ANK2: variants seen among roughly 807,000 people sequenced by gnomAD.
ANK2 encodes the protein ankyrin-2.
ANK2 carries 83 observed loss-of-function variants against 360.5 expected under a neutral mutation model. The ratio of observed to expected loss-of-function variants is 0.23; its 90% CI spans 0.19 to 0.28. The LOEUF (loss-of-function observed/expected upper bound fraction) is 0.28. ANK2 is among the 10% of genes least tolerant of loss of function. The pLI, the probability that ANK2 is intolerant of heterozygous loss-of-function variation, is 1.00. For synonymous variants in ANK2, 1,740 were observed against 1,759.5 expected (o/e 0.99, Z 0.28); for missense variants, 4,201 against 4,795.7 (o/e 0.88, Z 3.66).
At chr4:112,787,944 G>A in the ANK2 span, 2 of 607,804 alleles carry the variant, frequency 3.3e-6, no homozygotes, top group African/African-American at 1.8e-5. Flanking sequence ...CATCCTCCAT[G>A]TATGATCATT....
intron 2 of ANK2, among the ~76,000 whole-genome samples, chr4:112,951,944 T>G (rs2095047172): frequency 6.6e-6 from 1 of 152,252 alleles, no homozygotes; most frequent in South Asian, 2.1e-4. Context: ...TGGAGCTGTA[T>G]GCCAATTTAT....
chr4:112,961,299 T>G (rs1018002896), intron 2 of ANK2, among the ~76,000 whole-genome samples: 3 of 152,090 alleles, frequency 2.0e-5, no homozygotes, highest in Non-Finnish European at 2.9e-5. Flanking sequence ...GCTACTCTCA[T>G]TATAGGTAGG....
At position 113,232,251 on chromosome 4, in the gene ANK2, G is replaced by C. The variant is rs769770623; in HGVS notation, c.475G>C (p.Ala159Pro). 2 of 1,579,664 alleles carry C rather than the reference G, an allele frequency of 1.3e-6. No individual in the cohort carries two copies. The highest frequency in any genetic ancestry group is 3.3e-5 in the Admixed American group (2 of 59,978). The change falls in exon 5 of 46, where the codon GCT (alanine) becomes CCT (proline). Residue 159 changes from alanine to proline, a missense_variant. Ala to Pro is a conservative substitution (Grantham distance 27). Coordinates refer to ENST00000357077, the MANE Select transcript of ANK2 (RefSeq NM_001148.6). ...GGAAAATGGAGCTAATCAGAGCACT[G>C]CTACAGAGGTAAGACTGTCAGCCCT... ...LLENGANQST[A>P]TEDGFTPLAV...
At chr4:113,331,227 T>C (rs1044365329) in intron 27 of ANK2, among the ~76,000 whole-genome samples, 1 of 152,188 alleles carries the variant, frequency 6.6e-6, no homozygotes, top group Non-Finnish European at 1.5e-5. Context: ...TGTATTTAAG[T>C]CTTGGTGCTT....
intron 1 of ANK2, among the ~76,000 whole-genome samples, chr4:112,832,549 C>A (rs1448409842): frequency 6.6e-6 from 1 of 152,150 alleles, no homozygotes; most frequent in Non-Finnish European, 1.5e-5. Flanking sequence ...AAAAGCAGAG[C>A]CATTCAAATT....
chr4:113,177,954 A>G (rs796850922), intron 2 of ANK2, among the ~76,000 whole-genome samples: 12 of 152,352 alleles, frequency 7.9e-5, no homozygotes, highest in African/African-American at 2.6e-4. Flanking sequence ...ATGAAATGTA[A>G]AAGGAGTTTC....
chr4:113,286,870 C>T (rs2064892240), intron 18 of ANK2, among the ~76,000 whole-genome samples: 1 of 152,152 alleles, frequency 6.6e-6, no homozygotes, highest in African/African-American at 2.4e-5. Context: ...CTCAAGAAAA[C>T]ACCCGTAAAC....
chr4:113,179,852 G>A lies in ANK2; in HGVS notation c.186+5335G>A, dbSNP rs190990606. Among the ~76,000 whole-genome samples, 71 of 152,282 alleles carry A rather than the reference G, an allele frequency of 4.7e-4. 1 individual carries two copies. The East Asian group carries it at 0.011, about 24-fold the overall frequency. ...ATAAAAACCCCAGTAGTTTCAGAAAGTTTCATCATGTATACAATTTATTAG... is the reference window on the plus strand; with the variant it reads ...ATAAAAACCCCAGTAGTTTCAGAAAATTTCATCATGTATACAATTTATTAG... On this transcript the variant is annotated intron_variant, in intron 2 of 45. Coordinates refer to ENST00000357077, the MANE Select transcript of ANK2 (RefSeq NM_001148.6).
At chr4:113,171,651 A>T (rs1219630042) in intron 1 of ANK2, among the ~76,000 whole-genome samples, 1 of 152,138 alleles carries the variant, frequency 6.6e-6, no homozygotes, top group African/African-American at 2.4e-5. Flanking sequence ...TTTCCATAGG[A>T]CCCAGACCCT....
chr4:113,186,372 G>A (rs565476026), intron 2 of ANK2, among the ~76,000 whole-genome samples: 126 of 152,056 alleles, frequency 8.3e-4, no homozygotes, highest in African/African-American at 2.8e-3. Context: ...CAAAAAGGAC[G>A]TCCACACAAA....
At chr4:112,813,500 A>G (rs1029955346), upstream of ANK2, among the ~76,000 whole-genome samples, 23 of 152,036 alleles carry the variant, frequency 1.5e-4, 1 homozygote, top group African/African-American at 4.8e-4. Flanking sequence ...TCAACTTTCT[A>G]TACTATTTTT....
chr4:113,051,192 C>T (rs190656371), intron 1 of ANK2, among the ~76,000 whole-genome samples: 130 of 151,810 alleles, frequency 8.6e-4, no homozygotes, highest in South Asian at 6.3e-4. Context: ...GAAGAGAGAG[C>T]GCGAGCAAGC....
In ANK2 at chr4:113,278,447, A is replaced by AC; in HGVS notation, c.1783-12dup. 6.2e-7 allele frequency: 1 copy of AC among 1,613,022 alleles called. No homozygotes were observed. The highest frequency in any genetic ancestry group is 1.3e-5 in the African/African-American group (1 of 74,974). ...AATTTATTAATGCTGAAACTTAAACACACCCTTTACAGAACGGCCTTACCC... is the reference window on the plus strand; with the variant it reads ...AATTTATTAATGCTGAAACTTAAACACCACCCTTTACAGAACGGCCTTACCC... On this transcript the variant is annotated splice_polypyrimidine_tract_variant and intron_variant, in intron 16 of 45. Coordinates refer to ENST00000357077, the MANE Select transcript of ANK2 (RefSeq NM_001148.6).
At chr4:113,082,803 T>C (rs1031073970) in intron 1 of ANK2, among the ~76,000 whole-genome samples, 12 of 152,214 alleles carry the variant, frequency 7.9e-5, no homozygotes, top group Non-Finnish European at 1.8e-4. Context: ...AATGTGTTTG[T>C]ATTTTCTTCT....
chr4:112,979,762 T>TG (rs1365739040), intron 2 of ANK2: 1 of 152,250 alleles, frequency 6.6e-6, no homozygotes, highest in Non-Finnish European at 1.5e-5. Context: ...AGCTCCTTCT[T>TG]GCAGCTGATA....
chr4:113,049,507 T>A (rs2065955305), upstream of ANK2: 1 of 807,972 alleles, frequency 1.2e-6, no homozygotes, highest in Non-Finnish European at 1.8e-6. Context: ...TTGTAACCGG[T>A]TCCTGATGGT....
At chr4:112,978,159 G>T (rs1413731597) in intron 2 of ANK2, among the ~76,000 whole-genome samples, 1 of 152,020 alleles carries the variant, frequency 6.6e-6, no homozygotes, top group Non-Finnish European at 1.5e-5. Flanking sequence ...CAGGAGAATT[G>T]CTTGAACCTG....
intron 18 of ANK2, among the ~76,000 whole-genome samples, chr4:113,283,557 TA>T (rs2063236383): frequency 6.6e-6 from 1 of 152,154 alleles, no homozygotes; most frequent in Non-Finnish European, 1.5e-5. Context: ...GTCAAAGATA[TA>T]ATGGAAAAAT....
At chr4:113,271,138 A>G (rs1425289592) in intron 14 of ANK2, among the ~76,000 whole-genome samples, 1 of 152,190 alleles carries the variant, frequency 6.6e-6, no homozygotes, top group African/African-American at 2.4e-5. Flanking sequence ...TGCTAACGTC[A>G]TTATCTCCCA....
Sources: allele counts gnomAD v4.1 joint callset (sites outside exome capture counted in the v4.1 genomes callset), GRCh38; gene constraint gnomAD v4.1.1; transcripts MANE v1.5; gene names NCBI Gene and HGNC (gene_info 2026-07-23, HGNC 2026-07-21).